HERC3: variants seen among roughly 807,000 people sequenced by gnomAD.
HERC3 encodes the protein probable E3 ubiquitin-protein ligase HERC3.
In HERC3, 58 loss-of-function variants were observed where a neutral mutation model predicts 129.9. That is an observed-to-expected ratio of 0.45 (90% confidence interval 0.36 to 0.56). The LOEUF (loss-of-function observed/expected upper bound fraction) is 0.56, where lower values mean the gene tolerates loss of function less well. Among genes scored for constraint, HERC3 ranks in the 20% least tolerant of loss-of-function variants. The pLI, the probability that HERC3 is intolerant of heterozygous loss-of-function variation, is 0.00. For synonymous variants in HERC3, 430 were observed against 451.0 expected (o/e 0.95, Z 0.59); for missense variants, 835 against 1,244.2 (o/e 0.67, Z 4.95).
the HERC3 span, among the ~76,000 whole-genome samples, chr4:88,573,386 A>C: frequency 6.6e-6 from 1 of 152,184 alleles, no homozygotes; most frequent in South Asian, 2.1e-4. Flanking sequence ...GAACATTTAA[A>C]ATCTGAAATT....
At chr4:88,538,613 C>T in the HERC3 span, among the ~76,000 whole-genome samples, 4 of 150,172 alleles carry the variant, frequency 2.7e-5, no homozygotes, top group Non-Finnish European at 4.4e-5. Flanking sequence ...GTGCGATCTC[C>T]GCTCACTGCA....
At chr4:88,597,907 G>C (rs963234620) in intron 2 of HERC3, 2 of 152,332 alleles carry the variant, frequency 1.3e-5, no homozygotes, top group South Asian at 2.1e-4. Context: ...GAACATTTTT[G>C]ATAATAAGGC....
chr4:88,587,566 A>G (rs569231207), upstream of HERC3, among the ~76,000 whole-genome samples: 3 of 152,352 alleles, frequency 2.0e-5, no homozygotes, highest in African/African-American at 7.2e-5. Flanking sequence ...CCAACCTATA[A>G]AGCTGTCTAA....
At chr4:88,557,622 A>G in the HERC3 span, among the ~76,000 whole-genome samples, 1 of 152,200 alleles carries the variant, frequency 6.6e-6, no homozygotes, top group Admixed American at 6.5e-5. Flanking sequence ...GTCTCATTAT[A>G]TAAAGAATAA....
intron 23 of HERC3, chr4:88,692,832 G>T (rs1456080005): frequency 1.1e-6 from 1 of 922,896 alleles, no homozygotes; most frequent in Non-Finnish European, 1.3e-6. Context: ...GCGCTCCATG[G>T]GTACCAGCAT....
chr4:88,705,255 C>T (rs1735682507), intron 25 of HERC3, among the ~76,000 whole-genome samples: 1 of 152,190 alleles, frequency 6.6e-6, no homozygotes, highest in Admixed American at 6.5e-5. Context: ...TTTGGATTAA[C>T]CTCTCTTATC....
chr4:88,704,026 C>A, intron 23 of HERC3, 72 bp from the exon 24 acceptor site: 1 of 1,320,852 alleles, frequency 7.6e-7, no homozygotes, highest in Non-Finnish European at 1.1e-6. Flanking sequence ...CTCCCAATCT[C>A]AGTGTAGAAG....
chr4:88,591,676 T>A (rs77088138), upstream of HERC3, among the ~76,000 whole-genome samples: 3,024 of 152,216 alleles, frequency 0.02, 93 homozygotes, highest in African/African-American at 0.068. Context: ...AGGGCAAGTA[T>A]GAAAGCACTA....
In HERC3 at chr4:88,625,282, G is replaced by A. The variant is rs1457345768; in HGVS notation, c.226+19233G>A. Among the ~76,000 whole-genome samples, 3 of 152,096 alleles carry A rather than the reference G, an allele frequency of 2.0e-5. No homozygotes were observed. The South Asian group carries it at 6.2e-4, about 31-fold the overall frequency. On this transcript the variant is annotated intron_variant, in intron 3 of 25. Transcript: ENST00000402738. ...GCACTGAATCTGTGGATCAATTTGG[G>A]GAGAATTTACATTTTAACAATGTTG... is the stretch of plus-strand genomic sequence containing the variant.
intron 3 of HERC3, among the ~76,000 whole-genome samples, chr4:88,613,825 G>T (rs1041124618): frequency 2.0e-5 from 3 of 152,190 alleles, no homozygotes; most frequent in Non-Finnish European, 4.4e-5. Flanking sequence ...TGATTTTGGT[G>T]ATAATGGTTA....
chr4:88,656,759 C>A (rs987695097), intron 9 of HERC3: 7 of 152,160 alleles, frequency 4.6e-5, no homozygotes, highest in African/African-American at 1.7e-4. Context: ...TGCTTAATGA[C>A]GTTTCATTAC....
chr4:88,529,425 C>T, the HERC3 span, among the ~76,000 whole-genome samples: 1 of 152,182 alleles, frequency 6.6e-6, no homozygotes, highest in Non-Finnish European at 1.5e-5. Context: ...CCACTGCACT[C>T]TAGCCTAGGA....
chr4:88,548,661 T>C, the HERC3 span, among the ~76,000 whole-genome samples: 1 of 152,000 alleles, frequency 6.6e-6, no homozygotes, highest in African/African-American at 2.4e-5. Context: ...TGGGTCATCT[T>C]TTCTTTTTTT....
intron 3 of HERC3, among the ~76,000 whole-genome samples, chr4:88,619,238 C>G (rs1260653615): frequency 6.6e-6 from 1 of 152,138 alleles, no homozygotes; most frequent in Non-Finnish European, 1.5e-5. Flanking sequence ...TATGTCACTG[C>G]TCTGTGTAAT....
the HERC3 span, among the ~76,000 whole-genome samples, chr4:88,524,541 G>T: frequency 2.0e-5 from 3 of 152,174 alleles, no homozygotes; most frequent in Non-Finnish European, 4.4e-5. Context: ...GGGAACTTGG[G>T]CTCTGGGGCC....
chr4:88,704,548 C>T lies in HERC3; in HGVS notation c.2882C>T (p.Thr961Ile), dbSNP rs754017872. ...GGAGATTACTCGGCCACACATCCCACTGTAAAACTATTTTGGGAAACATTT... is the reference window on the plus strand; with the variant it reads ...GGAGATTACTCGGCCACACATCCCATTGTAAAACTATTTTGGGAAACATTT... ...YKGDYSATHP[T>I]VKLFWETFHE... The change falls in exon 25 of 26, where the codon ACT becomes ATT. Residue 961 changes from threonine to isoleucine, a missense_variant. Thr to Ile is a moderately conservative substitution (Grantham distance 89). Coordinates refer to ENST00000402738, the MANE Select transcript of HERC3 (RefSeq NM_014606.3). The T allele has an allele frequency of 1.1e-5, 18 of 1,612,788 alleles. No homozygotes were observed. The highest frequency in any genetic ancestry group is 7.7e-5 in the South Asian group (7 of 91,058).
intron 8 of HERC3, 122 bp downstream of exon 8, chr4:88,655,426 A>G: frequency 8.8e-7 from 1 of 1,130,164 alleles, no homozygotes; most frequent in Non-Finnish European, 1.3e-6. Flanking sequence ...AACTGCATGC[A>G]CGCCTATGGT....
intron 11 of HERC3, among the ~76,000 whole-genome samples, chr4:88,663,728 A>G (rs1186167472): frequency 2.0e-4 from 31 of 152,238 alleles, no homozygotes. Context: ...TGTCTCAGAT[A>G]TGCAGCAAAA....
the HERC3 span, among the ~76,000 whole-genome samples, chr4:88,574,458 T>C: frequency 6.6e-6 from 1 of 152,218 alleles, no homozygotes; most frequent in South Asian, 2.1e-4. Context: ...TCTTAACCAT[T>C]TTAAAGTGTA....
Sources: allele counts gnomAD v4.1 joint callset (sites outside exome capture counted in the v4.1 genomes callset), GRCh38; gene constraint gnomAD v4.1.1; transcripts MANE v1.5; gene names NCBI Gene and HGNC (gene_info 2026-07-23, HGNC 2026-07-21).